CD226: variants seen among roughly 807,000 people sequenced by gnomAD.
The protein encoded by CD226 is CD226 antigen.
In CD226, 24 loss-of-function variants were observed where a neutral mutation model predicts 34.9. The observed-to-expected ratio is 0.69, with a 90% CI of 0.50 to 0.97. The LOEUF is 0.97. Among genes scored for constraint, CD226 ranks in the 50% least tolerant of loss-of-function variants. CD226 has a pLI of 0.00. For missense variants in CD226, 397 were observed against 412.7 expected, an observed-to-expected ratio of 0.96 and a Z score of 0.33; for synonymous variants, 148 against 147.4, an observed-to-expected ratio of 1.00 and a Z score of -0.03.
At chr18:69,933,755 C>T (rs11151547) in intron 2 of CD226, among the ~76,000 whole-genome samples, 69,282 of 152,110 alleles carry the variant, frequency 0.46, 19,357 homozygotes, top group Admixed American at 0.6. Flanking sequence ...TAGCCATTTT[C>T]CCTTTAGTTC....
At chr18:69,901,736 G>T (rs1011740283) in intron 2 of CD226, among the ~76,000 whole-genome samples, 2 of 149,690 alleles carry the variant, frequency 1.3e-5, no homozygotes, top group East Asian at 3.9e-4. Context: ...AAAATTAGCC[G>T]GGCGTGGTGG....
At chr18:69,904,826 G>A (rs980791873) in intron 2 of CD226, among the ~76,000 whole-genome samples, 2 of 152,162 alleles carry the variant, frequency 1.3e-5, no homozygotes, top group Non-Finnish European at 2.9e-5. Flanking sequence ...CCCCAGGTTA[G>A]ACAATTTAAT....
intron 3 of CD226, among the ~76,000 whole-genome samples, chr18:69,880,190 A>G (rs1348646740): frequency 1.4e-5 from 2 of 140,942 alleles, no homozygotes. Flanking sequence ...GAAGGGAAGG[A>G]AAGCGGGGGA....
intron 2 of CD226, among the ~76,000 whole-genome samples, chr18:69,942,030 C>G (rs2055731187): frequency 6.6e-6 from 1 of 152,170 alleles, no homozygotes; most frequent in Admixed American, 6.5e-5. Context: ...CCACCTCACT[C>G]TGCACTTCTC....
intron 3 of CD226, among the ~76,000 whole-genome samples, chr18:69,883,433 C>T (rs557256695): frequency 6.6e-5 from 10 of 152,140 alleles, no homozygotes; most frequent in Non-Finnish European, 1.0e-4. Context: ...TAATTTAAAG[C>T]GGGGATTAAC....
At chr18:69,919,234 A>G (rs182587366) in intron 2 of CD226, among the ~76,000 whole-genome samples, 1 of 152,272 alleles carries the variant, frequency 6.6e-6, no homozygotes, top group African/African-American at 2.4e-5. Context: ...ATAACCAAGA[A>G]CTGGTTGTGG....
chr18:69,946,905 T>C lies in CD226; in HGVS notation c.211A>G (p.Ile71Val), dbSNP rs541042722. 5.0e-6 allele frequency: 8 copies of C among 1,614,170 alleles called. No homozygotes were observed. In the African/African-American group the frequency reaches 8.0e-5, roughly 16 times the overall value. Residue 71 changes from isoleucine to valine, a missense_variant, in exon 2 of 6, where the codon ATA becomes GTA. Transcript: ENST00000582621. ...ACCCTCTCAGCATAGGGCTTCCTTA[T>C]GACCATGCCATGAGTAGGGCTGAAA... is the stretch of plus-strand genomic sequence containing the variant. ...AIFSPTHGMV[I>V]RKPYAERVYF...
At chr18:69,901,309 T>G (rs112308314) in intron 2 of CD226, among the ~76,000 whole-genome samples, 22 of 152,230 alleles carry the variant, frequency 1.4e-4, no homozygotes, top group African/African-American at 5.1e-4. Context: ...ATTATTGCTG[T>G]TTTGTGAGGG....
rs533934461 is a variant in CD226 at position 69,884,226 on chromosome 18, G to T, written c.728-10980C>A. Among the ~76,000 whole-genome samples the T allele has an allele frequency of 1.8e-3, 275 of 152,152 alleles. 1 individual carries two copies. Among genetic ancestry groups the T allele is most frequent in the Admixed American group, 4.3e-3 (65 of 15,290 alleles). On this transcript the variant is annotated intron_variant, in intron 3 of 5. Coordinates refer to ENST00000582621, the MANE Select transcript of CD226 (RefSeq NM_001303618.2). ...AACAAAACAATACAAATGACCACAT[G>T]GAGCCTTGTGGAATATCACCCTGAT...
chr18:69,917,724 C>T (rs1437998270), intron 2 of CD226, among the ~76,000 whole-genome samples: 1 of 152,128 alleles, frequency 6.6e-6, no homozygotes, highest in East Asian at 1.9e-4. Context: ...CAGGTATGAC[C>T]TGCGTTATGT....
In CD226 at chr18:69,895,917, G is replaced by T; in HGVS notation, c.511C>A (p.Arg171Ser). 6.2e-7 allele frequency: 1 copy of T among 1,614,148 alleles called. No homozygotes were observed. Among genetic ancestry groups the T allele is most frequent in the Non-Finnish European group, 8.5e-7 (1 of 1,180,036 alleles). Residue 171 changes from arginine (R) to serine (S), a missense_variant, in exon 3 of 6, where the codon CGT becomes AGT. Transcript: ENST00000582621. Reference protein sequence around the residue: ...QAVRWEKIQPRQIDLLTYCNL... With the variant: ...QAVRWEKIQPSQIDLLTYCNL... ...CAGTAAGTTAAGAGGTCGATCTGAC[G>T]GGGCTGGATCTTTTCCCACCTCACT...
In CD226 at chr18:69,913,717, G is replaced by A. The variant is rs370818797; in HGVS notation, c.383-17672C>T. ...GAAGTCTCTGCAGGATGGACCTCAC[G>A]AGCAGGCAGGAGTTCAGTGTGGGCA... On this transcript the variant is annotated intron_variant, in intron 2 of 5. Transcript: ENST00000582621. 7.2e-5 allele frequency among the ~76,000 whole-genome samples: 11 copies of A among 152,268 alleles called. No homozygotes were observed. In the South Asian group the frequency reaches 1.0e-3, roughly 14 times the overall value.
intron 2 of CD226, among the ~76,000 whole-genome samples, chr18:69,938,150 T>G (rs117472635): frequency 0.012 from 1,882 of 152,232 alleles, 24 homozygotes; most frequent in South Asian, 0.037. Context: ...ATATGGGAGA[T>G]CACAGAGTCA....
At chr18:69,900,758 T>G (rs2055171823) in intron 2 of CD226, among the ~76,000 whole-genome samples, 1 of 141,842 alleles carries the variant, frequency 7.1e-6, no homozygotes, top group Non-Finnish European at 1.5e-5. Flanking sequence ...AAAAAAAAAT[T>G]TCTAATAAAA....
In CD226 at chr18:69,890,567, T is replaced by C. The variant is rs143843922; in HGVS notation, c.727+5134A>G. ...TCCAAGATGCTTAATATTTCAATGATGGGGAAGCAGTTTGGTCTGATGTGG... is the reference window on the plus strand; with the variant it reads ...TCCAAGATGCTTAATATTTCAATGACGGGGAAGCAGTTTGGTCTGATGTGG... On this transcript the variant is annotated intron_variant, in intron 3 of 5. Transcript: ENST00000582621. Among the ~76,000 whole-genome samples the C allele has an allele frequency of 1.1e-4, 17 of 152,320 alleles. No homozygotes were observed. In the East Asian group the frequency reaches 3.1e-3, roughly 28 times the overall value.
At chr18:69,937,204 T>C (rs1344731952) in intron 2 of CD226, among the ~76,000 whole-genome samples, 1 of 152,218 alleles carries the variant, frequency 6.6e-6, no homozygotes, top group Non-Finnish European at 1.5e-5. Flanking sequence ...TTGCTTTAAT[T>C]TGTTGATCAA....
At chr18:69,920,442 G>A (rs2055437648) in intron 2 of CD226, among the ~76,000 whole-genome samples, 1 of 152,068 alleles carries the variant, frequency 6.6e-6, no homozygotes, top group Admixed American at 6.5e-5. Flanking sequence ...ATCACTTATT[G>A]CCTCACCAAT....
rs537138096 is a variant in CD226 at position 69,876,643 on chromosome 18, C to T, written c.728-3397G>A. Among the ~76,000 whole-genome samples, 416 of 152,242 alleles carry T rather than the reference C, an allele frequency of 2.7e-3. 5 individuals are homozygous for T. Among genetic ancestry groups the T allele is most frequent in the African/African-American group, 9.8e-3 (406 of 41,544 alleles). ...TCTGCTCTCACACTACCACAGCAAT[C>T]GTCAACAGACTTCTGTGACCAAAGG... On this transcript the variant is annotated intron_variant, in intron 3 of 5. Coordinates refer to ENST00000582621, the MANE Select transcript of CD226 (RefSeq NM_001303618.2).
At chr18:69,941,809 G>C (rs1172586702) in intron 2 of CD226, among the ~76,000 whole-genome samples, 1 of 152,014 alleles carries the variant, frequency 6.6e-6, no homozygotes, top group Non-Finnish European at 1.5e-5. Flanking sequence ...GAAATGTGAG[G>C]GCATGAGATT....
Sources: gnomAD v4.1 joint callset for allele counts (sites outside exome capture counted in the v4.1 genomes callset) on GRCh38, gnomAD v4.1.1 for gene constraint, MANE v1.5 for transcripts, NCBI Gene and HGNC (gene_info 2026-07-23, HGNC 2026-07-21) for gene names.